The following ATG2B variants were observed in gnomAD, a reference collection of about 807,000 sequenced individuals.
The protein encoded by ATG2B is autophagy-related protein 2 homolog B.
A neutral mutation model predicts 241.3 loss-of-function variants in ATG2B; 121 were observed. The ratio of observed to expected loss-of-function variants is 0.50; its 90% CI spans 0.43 to 0.58. The LOEUF (loss-of-function observed/expected upper bound fraction) is 0.58. Ranked by LOEUF, ATG2B falls within the 20% of genes least tolerant of loss-of-function variation. The pLI is 0.00. For missense variants in ATG2B, 2,306 were observed against 2,491.6 expected (o/e 0.93, Z 1.59); for synonymous variants, 858 against 876.6 (o/e 0.98, Z 0.37).
rs1407959902 is a variant in ATG2B at position 96,304,668 on chromosome 14, T to G, written c.4734-65A>C. ...GGAATATTCAAAGAAAGTCAATGAA[T>G]GACATTAAGGAAAATGATAAGATGA... is the stretch of plus-strand genomic sequence containing the variant. On this transcript the variant is annotated intron_variant, in intron 31 of 41. Transcript: ENST00000359933. 5 of 1,231,660 alleles carry G rather than the reference T, an allele frequency of 4.1e-6. No individual in the cohort carries two copies. In the Admixed American group the frequency reaches 1.0e-4, roughly 25 times the overall value. 76.3% of individuals were successfully genotyped at this position (1,231,660 alleles called of 1,614,324 possible).
chr14:96,295,773 A>G (rs1886624604), intron 34 of ATG2B, among the ~76,000 whole-genome samples: 1 of 151,726 alleles, frequency 6.6e-6, no homozygotes, highest in Non-Finnish European at 1.5e-5. Context: ...TTCCCTTTTA[A>G]TTCTCATAAC....
At chr14:96,309,375 T>C in intron 29 of ATG2B, 78 bp downstream of exon 29, 1 of 1,499,074 alleles carries the variant, frequency 6.7e-7, no homozygotes, top group Non-Finnish European at 9.0e-7. Flanking sequence ...ATAAGTGACT[T>C]ATTAAATTTA....
At chr14:96,353,177 C>A (rs1433367161) in intron 1 of ATG2B, among the ~76,000 whole-genome samples, 1 of 152,094 alleles carries the variant, frequency 6.6e-6, no homozygotes, top group Admixed American at 6.5e-5. Flanking sequence ...GTAGGCTATA[C>A]CACTGGGTTT....
chr14:96,285,695 G>T lies in ATG2B; in HGVS notation c.*60C>A. On this transcript the variant is annotated 3_prime_UTR_variant, in exon 42 of 42. Transcript: ENST00000359933. The surrounding 1 kb of genome is among the most constrained non-coding windows in gnomAD (Gnocchi z 4.2). ...TAAACGAGCTTCCTCTGAAGCTGCT[G>T]TCAGGACTCTGAGCTCCTGGTTCCA... 5 of 1,499,242 alleles carry T rather than the reference G, an allele frequency of 3.3e-6. No individual in the cohort carries two copies. The highest frequency in any genetic ancestry group is 4.6e-6 in the Non-Finnish European group (5 of 1,080,536). 92.9% of individuals were successfully genotyped at this position (1,499,242 alleles called of 1,614,324 possible).
At chr14:96,348,029 C>T (rs970196004) in intron 1 of ATG2B, among the ~76,000 whole-genome samples, 8 of 152,298 alleles carry the variant, frequency 5.3e-5, no homozygotes, top group Admixed American at 2.6e-4. Flanking sequence ...GAGATATCCA[C>T]GCTCCCATGT....
At chr14:96,321,180 C>T (rs1887447768) in intron 18 of ATG2B, among the ~76,000 whole-genome samples, 1 of 152,018 alleles carries the variant, frequency 6.6e-6, no homozygotes, top group Non-Finnish European at 1.5e-5. Context: ...TGAGAAAACC[C>T]AGGGTTTATT....
intron 1 of ATG2B, among the ~76,000 whole-genome samples, chr14:96,358,017 G>A (rs1449190088): frequency 6.6e-6 from 1 of 152,214 alleles, no homozygotes; most frequent in Non-Finnish European, 1.5e-5. Context: ...AACTATGAGA[G>A]AAACGGGACT....
Position 96,284,222 on chromosome 14 carries a change from G to A in ATG2B, c.*1533C>T, listed in dbSNP as rs1471099701. The A allele has an allele frequency of 6.6e-6, 1 of 152,214 alleles. No homozygotes were observed. The highest frequency in any genetic ancestry group is 6.5e-5 in the Admixed American group (1 of 15,282). The allele number at this position is 152,214 out of a possible 1,614,324, so 9.4% of individuals were successfully genotyped here. On this transcript the variant is annotated 3_prime_UTR_variant, in exon 42 of 42. Transcript: ENST00000359933. The stretch of plus-strand genomic sequence containing the variant: ...ACGCCTTCCTGTTAGTGTGTCGCCA[G>A]GACCAGGCTCTACCCGAATAAGAGA...
rs759575399 is a variant in ATG2B at position 96,363,082 on chromosome 14, G to A, written c.-106C>T. On this transcript the variant is annotated 5_prime_UTR_variant, in exon 1 of 42. Transcript: ENST00000359933. ...CGCGGCGGGGCCTAAGCCTGGGGCG[G>A]CCCCTCCATCCCTATTTGGTGCCGG... 1.2e-4 allele frequency: 164 copies of A among 1,344,576 alleles called. No individual in the cohort carries two copies. Among genetic ancestry groups the A allele is most frequent in the Non-Finnish European group, 1.7e-4 (157 of 949,430 alleles). 83.3% of individuals were successfully genotyped at this position (1,344,576 alleles called of 1,614,324 possible). A position where few individuals can be genotyped will look rare whatever the true frequency, so the allele number is the denominator to read the frequency against.
chr14:96,313,261 T>C, intron 24 of ATG2B, 68 bp downstream of exon 24: 1 of 1,374,106 alleles, frequency 7.3e-7, no homozygotes, highest in Non-Finnish European at 1.0e-6. Context: ...TCTACTGAAT[T>C]ATGTATTTTT....
Position 96,295,507 on chromosome 14 carries a change from C to T in ATG2B, c.5193G>A (p.Glu1731=), listed in dbSNP as rs1886612881. Residue 1731 remains glutamate (E), a synonymous_variant, in exon 35 of 42, where the codon GAG becomes GAA. Transcript: ENST00000359933. ...CTTCTGGATCTGGAGTCATTTGAAGCTCTACTTCTGCAGAAAGACTTGTGA... is the reference window on the plus strand; with the variant it reads ...CTTCTGGATCTGGAGTCATTTGAAGTTCTACTTCTGCAGAAAGACTTGTGA... ...DFFTSLSAEV[E]LQMTPDPEVK... is the part of the protein sequence containing the mutation. The T allele has an allele frequency of 1.2e-6, 2 of 1,606,570 alleles. No homozygotes were observed. Among genetic ancestry groups the T allele is most frequent in the East Asian group, 2.2e-5 (1 of 44,658 alleles).
chr14:96,342,730 A>AAAC, intron 5 of ATG2B, among the ~76,000 whole-genome samples: 1 of 151,882 alleles, frequency 6.6e-6, no homozygotes, highest in South Asian at 2.1e-4. Context: ...AAAAAAAAAA[A>AAAC]AAACAAACAT....
intron 37 of ATG2B, 110 bp from the exon 38 acceptor site, chr14:96,291,792 C>T (rs1886491713): frequency 1.3e-6 from 1 of 752,762 alleles, no homozygotes; most frequent in Non-Finnish European, 2.2e-6. Context: ...GATACTAAAA[C>T]ACTTAAAATA....
At chr14:96,339,729 A>T (rs1321682749) in intron 6 of ATG2B, among the ~76,000 whole-genome samples, 3 of 151,844 alleles carry the variant, frequency 2.0e-5, no homozygotes, top group Admixed American at 1.3e-4. Flanking sequence ...GGAGGAGGGG[A>T]GGTTAGGAAG....
chr14:96,308,270 A>ATATATATATATATG (rs1887046687), intron 29 of ATG2B, among the ~76,000 whole-genome samples: 1 of 27,904 alleles, frequency 3.6e-5, no homozygotes. Flanking sequence ...ATATATATAT[A>ATATATATATATATG]TATATATATA....
In ATG2B at chr14:96,328,735, C is replaced by A. The variant is rs769626269; in HGVS notation, c.1913G>T (p.Gly638Val). Reference sequence around the variant, plus strand: ...CTGAAGACACACAGGGGAATGGGAACCAGTTTCTTCTTTGGAATGGAACGT... The same window carrying A: ...CTGAAGACACACAGGGGAATGGGAAACAGTTTCTTCTTTGGAATGGAACGT... ...LLTFHSKEET[G>V]SHSPVCLQLH... The change falls in exon 13 of 42, where the codon GGT (glycine) becomes GTT (valine). Residue 638 changes from glycine to valine, a missense_variant. Around this residue, in one of 2 missense-constraint regions of ATG2B, gnomAD observed 1,927 missense variants for 2,011.2 expected, o/e 0.96. Transcript: ENST00000359933. The A allele has an allele frequency of 6.2e-7, 1 of 1,611,326 alleles. No homozygotes were observed. Among genetic ancestry groups the A allele is most frequent in the Non-Finnish European group, 8.5e-7 (1 of 1,178,780 alleles).
chr14:96,328,911 G>A (rs1485802687), intron 12 of ATG2B, 145 bp from the exon 13 acceptor site: 5 of 545,852 alleles, frequency 9.2e-6, no homozygotes, highest in Non-Finnish European at 6.5e-6. Context: ...GTGAACCTTA[G>A]ACAAGTTAGT....
chr14:96,291,874 G>C (rs1023741682), intron 37 of ATG2B, 155 bp downstream of exon 37: 2 of 619,272 alleles, frequency 3.2e-6, no homozygotes, highest in African/African-American at 1.9e-5. Context: ...TGGTACTTAA[G>C]TAAATATTTA....
At position 96,303,173 on chromosome 14, in the gene ATG2B, A is replaced by G; in HGVS notation, c.4925T>C (p.Val1642Ala). Residue 1642 changes from valine to alanine, a missense_variant, in exon 33 of 42, where the codon GTG becomes GCG. Around this residue, in one of 2 missense-constraint regions of ATG2B, gnomAD observed 1,927 missense variants for 2,011.2 expected, o/e 0.96. Coordinates refer to ENST00000359933, the MANE Select transcript of ATG2B (RefSeq NM_018036.7). ...AATCTCAAGATCCTGAACAATGAAC[A>G]CCTGCCGGGAGACTGGGTGTTCTGA... is the stretch of plus-strand genomic sequence containing the variant. ...SLSEHPVSRQ[V>A]FIVQDLEIRD... The G allele has an allele frequency of 1.2e-6, 2 of 1,613,382 alleles. No homozygotes were observed. The highest frequency in any genetic ancestry group is 2.2e-5 in the East Asian group (1 of 44,838).
Sources: allele counts gnomAD v4.1 joint callset (sites outside exome capture counted in the v4.1 genomes callset), GRCh38; gene constraint gnomAD v4.1.1; regional missense constraint gnomAD v4.1.1; non-coding constraint Gnocchi (gnomAD v3.1); transcripts MANE v1.5; gene names NCBI Gene and HGNC (gene_info 2026-07-23, HGNC 2026-07-21).